TMEM132C: variants seen among roughly 807,000 people sequenced by gnomAD.
The protein encoded by TMEM132C is protein phosphatase 1, regulatory subunit 152.
A neutral mutation model predicts 61.4 loss-of-function variants in TMEM132C; 29 were observed. The observed-to-expected ratio is 0.47, with a 90% CI of 0.35 to 0.64. TMEM132C has a LOEUF of 0.64. Among genes scored for constraint, TMEM132C ranks in the 30% least tolerant of loss-of-function variants. The probability of loss-of-function intolerance (pLI) is 0.00; values close to 1 mark genes in which losing one functional copy is unlikely to be tolerated. For missense variants in TMEM132C, 1,408 were observed against 1,476.9 expected (o/e 0.95, Z 0.76); for synonymous variants, 656 against 633.1 (o/e 1.04, Z -0.54).
At chr12:128,418,854 T>C (rs1215649913) in intron 2 of TMEM132C, among the ~76,000 whole-genome samples, 1 of 152,196 alleles carries the variant, frequency 6.6e-6, no homozygotes, top group African/African-American at 2.4e-5. Flanking sequence ...GTCTTTTTAG[T>C]GTCCGTTAGG....
chr12:128,590,831 C>T (rs1427617494), intron 3 of TMEM132C, among the ~76,000 whole-genome samples: 4 of 152,272 alleles, frequency 2.6e-5, no homozygotes, highest in Non-Finnish European at 4.4e-5. Flanking sequence ...GGCTGGAGTA[C>T]AGTGGCACCA....
intron 2 of TMEM132C, among the ~76,000 whole-genome samples, chr12:128,529,752 C>T (rs2136134456): frequency 6.6e-6 from 1 of 152,256 alleles, no homozygotes; most frequent in South Asian, 2.1e-4. Flanking sequence ...TGCCACTGCA[C>T]TCCAGCCTGG....
chr12:128,329,684 C>A (rs1221181778), intron 1 of TMEM132C, among the ~76,000 whole-genome samples: 3 of 152,134 alleles, frequency 2.0e-5, no homozygotes, highest in Non-Finnish European at 4.4e-5. Flanking sequence ...AGACCCCCTG[C>A]AGTTTCTGCC....
chr12:128,349,439 A>C (rs1196640822), intron 1 of TMEM132C, among the ~76,000 whole-genome samples: 1 of 152,136 alleles, frequency 6.6e-6, no homozygotes, highest in Admixed American at 6.5e-5. Flanking sequence ...ACATTCCTAA[A>C]GCTTTCTTTC....
intron 4 of TMEM132C, among the ~76,000 whole-genome samples, chr12:128,659,105 A>G (rs1430462436): frequency 6.6e-6 from 1 of 152,234 alleles, no homozygotes; most frequent in Non-Finnish European, 1.5e-5. Context: ...AAGTTTTTCC[A>G]TAAAGGGCTA....
chr12:128,463,405 G>A (rs949486008), intron 2 of TMEM132C, among the ~76,000 whole-genome samples: 4 of 152,136 alleles, frequency 2.6e-5, no homozygotes, highest in African/African-American at 9.6e-5. Flanking sequence ...TGCTACCTCC[G>A]CCTCCTGGGT....
At chr12:128,507,384 CTTT>C in intron 2 of TMEM132C, among the ~76,000 whole-genome samples, 1 of 111,570 alleles carries the variant, frequency 9.0e-6, no homozygotes, top group East Asian at 2.6e-4. Flanking sequence ...GTGTTTTTTT[CTTT>C]TTTTTTTTTT....
intron 1 of TMEM132C, among the ~76,000 whole-genome samples, chr12:128,358,493 T>TTGTGTGTATG (rs1555220208): frequency 1.4e-5 from 2 of 144,900 alleles, no homozygotes; most frequent in Non-Finnish European, 3.0e-5. Context: ...ACTTTTAAAA[T>TTGTGTGTATG]TGTGTGTGTG....
chr12:128,428,026 C>T (rs1384319247), intron 2 of TMEM132C, among the ~76,000 whole-genome samples: 1 of 152,148 alleles, frequency 6.6e-6, no homozygotes, highest in Non-Finnish European at 1.5e-5. Context: ...GTGCTGGCTC[C>T]TCCGGGGGCT....
At chr12:128,455,418 A>G (rs867605327) in intron 2 of TMEM132C, among the ~76,000 whole-genome samples, 2 of 152,188 alleles carry the variant, frequency 1.3e-5, no homozygotes, top group Non-Finnish European at 2.9e-5. Flanking sequence ...CAGGAGGGGA[A>G]TATGTGACCT....
chr12:128,403,616 G>A (rs932243498), intron 1 of TMEM132C, among the ~76,000 whole-genome samples: 1 of 152,188 alleles, frequency 6.6e-6, no homozygotes, highest in Non-Finnish European at 1.5e-5. Context: ...TGAGTGCTTA[G>A]TTTATTGCTT....
chr12:128,488,810 C>T (rs1871599184), intron 2 of TMEM132C, among the ~76,000 whole-genome samples: 1 of 151,998 alleles, frequency 6.6e-6, no homozygotes, highest in African/African-American at 2.4e-5. Flanking sequence ...GCAAAGGGCT[C>T]TTAATAATTA....
intron 5 of TMEM132C, among the ~76,000 whole-genome samples, chr12:128,686,895 C>T (rs1220886865): frequency 4.6e-5 from 7 of 151,918 alleles, no homozygotes; most frequent in African/African-American, 9.7e-5. Context: ...GGGGAGTTGC[C>T]ATTTAAAATG....
chr12:128,674,390 C>A (rs1403337348), intron 5 of TMEM132C, among the ~76,000 whole-genome samples: 2 of 152,214 alleles, frequency 1.3e-5, no homozygotes, highest in Non-Finnish European at 2.9e-5. Context: ...GATGTTTCAT[C>A]CATTTATGAA....
intron 4 of TMEM132C, among the ~76,000 whole-genome samples, chr12:128,638,119 A>T (rs1954117363): frequency 6.6e-6 from 1 of 152,206 alleles, no homozygotes; most frequent in African/African-American, 2.4e-5. Context: ...ACTGGACTGG[A>T]TAACCCTCTT....
intron 1 of TMEM132C, among the ~76,000 whole-genome samples, chr12:128,354,846 A>G (rs913109894): frequency 6.6e-6 from 1 of 152,116 alleles, no homozygotes; most frequent in African/African-American, 2.4e-5. Flanking sequence ...CACCCTTCAC[A>G]CCATCACCCC....
In TMEM132C at chr12:128,693,868, G is replaced by C; in HGVS notation, c.1489G>C (p.Glu497Gln). The change falls in exon 6 of 9, where the codon GAG (glutamate) becomes CAG (glutamine). Residue 497 changes from glutamate to glutamine, a missense_variant. Coordinates refer to ENST00000435159, the MANE Select transcript of TMEM132C (RefSeq NM_001136103.3). ...TGACTACATCTTTGTCAATGGCAAA[G>C]AGATCAAAGGAAAGATGGATGCGGT... ...RCDYIFVNGK[E>Q]IKGKMDAVVN... 6.4e-7 allele frequency: 1 copy of C among 1,551,760 alleles called. No individual in the cohort carries two copies. Among genetic ancestry groups the C allele is most frequent in the Non-Finnish European group, 8.7e-7 (1 of 1,147,014 alleles).
At chr12:128,585,029 G>A (rs1016575817) in intron 3 of TMEM132C, among the ~76,000 whole-genome samples, 1 of 152,238 alleles carries the variant, frequency 6.6e-6, no homozygotes, top group Non-Finnish European at 1.5e-5. Flanking sequence ...AGTTAGGAAA[G>A]GCTTGAGTCC....
intron 1 of TMEM132C, among the ~76,000 whole-genome samples, chr12:128,394,487 G>T (rs993833828): frequency 1.3e-5 from 2 of 152,200 alleles, no homozygotes; most frequent in Admixed American, 6.5e-5. Flanking sequence ...CAAAAAGGGG[G>T]TTGCCAGAGA....
Sources: allele counts gnomAD v4.1 joint callset (sites outside exome capture counted in the v4.1 genomes callset), GRCh38; gene constraint gnomAD v4.1.1; transcripts MANE v1.5; gene names NCBI Gene and HGNC (gene_info 2026-07-23, HGNC 2026-07-21).